Variants in INO80 observed in about 807,000 individuals in gnomAD.
INO80 encodes chromatin-remodeling ATPase INO80.
A neutral mutation model predicts 203.4 loss-of-function variants in INO80; 20 were observed. The ratio of observed to expected loss-of-function variants is 0.10; its 90% CI spans 0.07 to 0.14. The LOEUF is 0.14. INO80 is among the 10% of genes least tolerant of loss of function. The probability of loss-of-function intolerance (pLI) is 1.00; values close to 1 mark genes in which losing one functional copy is unlikely to be tolerated. For missense variants in INO80, 1,419 were observed against 1,914.4 expected (o/e 0.74, Z 4.83); for synonymous variants, 726 against 685.2 (o/e 1.06, Z -0.93).
intron 14 of INO80, among the ~76,000 whole-genome samples, chr15:41,064,934 G>C (rs1596304830): frequency 6.6e-6 from 1 of 152,078 alleles, no homozygotes; most frequent in African/African-American, 2.4e-5. Context: ...AGGAGGCAGA[G>C]GTTGCAGTGA....
intron 24 of INO80, among the ~76,000 whole-genome samples, chr15:41,038,207 G>A (rs1226128790): frequency 7.3e-5 from 11 of 151,272 alleles, no homozygotes. Flanking sequence ...GTAGAGACAG[G>A]GTTTTGCCAT....
intron 29 of INO80, among the ~76,000 whole-genome samples, chr15:40,995,417 A>G (rs2043868659): frequency 6.6e-6 from 1 of 152,198 alleles, no homozygotes; most frequent in Non-Finnish European, 1.5e-5. Flanking sequence ...GAAGTCAATC[A>G]TTATTTCTGG....
intron 1 of INO80, among the ~76,000 whole-genome samples, chr15:41,104,912 T>C (rs536813787): frequency 2.0e-5 from 3 of 152,216 alleles, no homozygotes; most frequent in Non-Finnish European, 4.4e-5. Flanking sequence ...AATTTTACTA[T>C]ACTAAAAGTC....
At chr15:41,005,220 A>AAAAT (rs1566907328) in intron 28 of INO80, 1 of 157,382 alleles carries the variant, frequency 6.4e-6, no homozygotes. Flanking sequence ...AAAAAAAAAA[A>AAAAT]AGAAATGGCT....
Position 41,116,031 on chromosome 15 carries a change from G to A in INO80, c.-102C>T, listed in dbSNP as rs2046030841. On this transcript the variant is annotated 5_prime_UTR_variant, in exon 1 of 36. Coordinates refer to ENST00000648947, the MANE Select transcript of INO80 (RefSeq NM_017553.3). Reference sequence around the variant, plus strand: ...GCGGAGGGGGGGCGGGGTGCGGGCGGGGTCCGGAGGGGGGGGTCGCCCCGC... The same window carrying A: ...GCGGAGGGGGGGCGGGGTGCGGGCGAGGTCCGGAGGGGGGGGTCGCCCCGC... The A allele has an allele frequency of 5.1e-6, 2 of 392,788 alleles. No homozygotes were observed. The highest frequency in any genetic ancestry group is 3.7e-5 in the East Asian group (1 of 27,176). The allele number at this position is 392,788 out of a possible 1,614,324, so 24.3% of individuals were successfully genotyped here.
At position 41,085,392 on chromosome 15, in the gene INO80, T is replaced by C. The variant is rs1180966584; in HGVS notation, c.850A>G (p.Ile284Val). The C allele has an allele frequency of 1.2e-6, 2 of 1,614,188 alleles. No individual in the cohort carries two copies. The highest frequency in any genetic ancestry group is 2.2e-5 in the East Asian group (1 of 44,890). ...NARRRKVWLS[I>V]VKKELPKANK... ...ACCTTTGGTAGTTCCTTTTTCACAA[T>C]GCTGAGCCATACTTTCCTGCGACGA... is the stretch of plus-strand genomic sequence containing the variant. The change falls in exon 7 of 36, where the codon ATT becomes GTT. Residue 284 changes from isoleucine to valine, a missense_variant. This residue lies in a region of INO80 where 87 missense variants were observed against 150.5 expected (regional missense o/e 0.58). Transcript: ENST00000648947.
At position 41,031,998 on chromosome 15, in the gene INO80, GACAGCACAGCACAGCACAGC is replaced by G. The variant is rs1414668191; in HGVS notation, c.2908-4282_2908-4263del. ...CACAGCACAGCACAGCACAGCACAGGACAGCACAGCACAGCACAGCACAGCACAGCACAGCACAGCACAGC... is the reference window on the plus strand; with the variant it reads ...CACAGCACAGCACAGCACAGCACAGGACAGCACAGCACAGCACAGCACAGC... On this transcript the variant is annotated intron_variant, in intron 24 of 35. Transcript: ENST00000648947. Among the ~76,000 whole-genome samples the G allele has an allele frequency of 4.1e-4, 22 of 53,888 alleles. 1 individual carries two copies. The highest frequency in any genetic ancestry group is 8.2e-3 in the Middle Eastern group (1 of 122). 35.4% of individuals were successfully genotyped at this position (53,888 alleles called of 152,430 possible).
At chr15:41,071,793 C>A (rs2045322742) in intron 12 of INO80, 56 bp downstream of exon 12, 1 of 1,458,542 alleles carries the variant, frequency 6.9e-7, no homozygotes, top group Non-Finnish European at 9.6e-7. Flanking sequence ...TCACATTGAA[C>A]AAATGACTTT....
chr15:41,048,343 A>G, intron 21 of INO80, 67 bp from the exon 22 acceptor site: 1 of 1,203,684 alleles, frequency 8.3e-7, no homozygotes, highest in Non-Finnish European at 1.2e-6. Flanking sequence ...ACTAGACTAG[A>G]GGTTCCATAG....
intron 24 of INO80, among the ~76,000 whole-genome samples, chr15:41,041,593 G>A (rs1159643077): frequency 4.6e-5 from 7 of 150,550 alleles, no homozygotes; most frequent in Non-Finnish European, 7.4e-5. Context: ...GGCGCACACC[G>A]CCACGCCCAG....
chr15:41,008,224 TACACACACACAC>T (rs71104765), intron 27 of INO80, among the ~76,000 whole-genome samples: 13 of 148,822 alleles, frequency 8.7e-5, no homozygotes, highest in Non-Finnish European at 7.4e-5. Flanking sequence ...TATATATACA[TACACACACACAC>T]ACACACACAC....
intron 9 of INO80, among the ~76,000 whole-genome samples, chr15:41,078,888 C>T (rs551257886): frequency 6.6e-6 from 1 of 152,324 alleles, no homozygotes; most frequent in African/African-American, 2.4e-5. Flanking sequence ...CGCCTGTAAT[C>T]TCAGCACTTT....
intron 15 of INO80, among the ~76,000 whole-genome samples, chr15:41,059,166 T>C (rs1383035758): frequency 6.6e-6 from 1 of 150,878 alleles, no homozygotes; most frequent in Non-Finnish European, 1.5e-5. Flanking sequence ...CTCACTATGT[T>C]ACCCAGGCTG....
chr15:40,997,433 AGG>A (rs1383506755), intron 29 of INO80, 94 bp downstream of exon 29: 1 of 799,562 alleles, frequency 1.3e-6, no homozygotes, highest in Non-Finnish European at 2.1e-6. Flanking sequence ...ACAAAAGCAA[AGG>A]GTAAAACAAA....
intron 9 of INO80, among the ~76,000 whole-genome samples, chr15:41,076,961 G>A (rs1332519376): frequency 6.6e-6 from 1 of 151,960 alleles, no homozygotes; most frequent in African/African-American, 2.4e-5. Context: ...TGGCTGGAGT[G>A]CAGTGGTGCA....
At chr15:41,078,527 C>T (rs577895109) in intron 9 of INO80, among the ~76,000 whole-genome samples, 80 of 152,248 alleles carry the variant, frequency 5.3e-4, no homozygotes, top group African/African-American at 1.8e-3. Context: ...TACGAATTAA[C>T]CAGGAGACTT....
intron 24 of INO80, among the ~76,000 whole-genome samples, chr15:41,042,877 T>C (rs1019828165): frequency 3.9e-5 from 6 of 152,186 alleles, no homozygotes; most frequent in Admixed American, 1.3e-4. Flanking sequence ...GATGATGAGA[T>C]TGAAAGCAGA....
intron 2 of INO80, 109 bp from the exon 3 acceptor site, chr15:41,096,037 T>C: frequency 2.8e-6 from 4 of 1,413,160 alleles, no homozygotes; most frequent in South Asian, 1.4e-5. Flanking sequence ...ATAAATTGAC[T>C]TTTTTATTTG....
At chr15:41,104,752 C>G (rs186067168) in intron 1 of INO80, among the ~76,000 whole-genome samples, 1 of 152,174 alleles carries the variant, frequency 6.6e-6, no homozygotes, top group East Asian at 1.9e-4. Flanking sequence ...GTTGGCCAGG[C>G]TGGTCTCAAA....
Sources: gnomAD v4.1 joint callset for allele counts (sites outside exome capture counted in the v4.1 genomes callset) on GRCh38, gnomAD v4.1.1 for gene constraint, gnomAD v4.1.1 regional missense constraint, MANE v1.5 for transcripts, NCBI Gene and HGNC (gene_info 2026-07-23, HGNC 2026-07-21) for gene names.